The following ANKS1B variants were observed in gnomAD, a reference collection of about 807,000 sequenced individuals.
ANKS1B encodes the protein ankyrin repeat and sterile alpha motif domain containing 1B.
A neutral mutation model predicts 148.3 loss-of-function variants in ANKS1B; 36 were observed. The ratio of observed to expected loss-of-function variants is 0.24; its 90% confidence interval spans 0.19 to 0.32. ANKS1B has a LOEUF of 0.32. Ranked by LOEUF, ANKS1B falls within the 10% of genes least tolerant of loss-of-function variation. The probability of loss-of-function intolerance (pLI) is 1.00; values close to 1 mark genes in which losing one functional copy is unlikely to be tolerated. For missense variants in ANKS1B, 1,157 were observed against 1,542.6 expected (o/e 0.75, Z 4.19); for synonymous variants, 542 against 560.8 (o/e 0.97, Z 0.47).
At chr12:99,199,722 AAAAG>A (rs1340831429) in intron 14 of ANKS1B, among the ~76,000 whole-genome samples, 1 of 152,166 alleles carries the variant, frequency 6.6e-6, no homozygotes, top group Non-Finnish European at 1.5e-5. Context: ...TCCTGACAGA[AAAAG>A]AGAGAGAGAT....
chr12:99,427,612 C>T (rs1195174017), intron 11 of ANKS1B, among the ~76,000 whole-genome samples: 1 of 152,170 alleles, frequency 6.6e-6, no homozygotes, highest in Non-Finnish European at 1.5e-5. Flanking sequence ...TTATTGTTCA[C>T]TTGATCATTG....
chr12:99,828,333 G>A (rs1481779007), intron 1 of ANKS1B, among the ~76,000 whole-genome samples: 1 of 152,134 alleles, frequency 6.6e-6, no homozygotes, highest in Non-Finnish European at 1.5e-5. Context: ...GTGATAGGAA[G>A]AGATGCTAAC....
intron 25 of ANKS1B, among the ~76,000 whole-genome samples, chr12:98,772,154 T>C (rs2098594366): frequency 6.6e-6 from 1 of 152,212 alleles, no homozygotes; most frequent in African/African-American, 2.4e-5. Context: ...CTTGGTGTTA[T>C]GAGTGGAACT....
intron 20 of ANKS1B, among the ~76,000 whole-genome samples, chr12:98,806,708 GTTCT>G (rs1347584064): frequency 6.6e-6 from 1 of 152,120 alleles, no homozygotes; most frequent in Non-Finnish European, 1.5e-5. Flanking sequence ...TGTTGTAGTT[GTTCT>G]TTCAAAAAAT....
At chr12:99,621,996 T>C (rs2098058281) in intron 9 of ANKS1B, among the ~76,000 whole-genome samples, 1 of 151,998 alleles carries the variant, frequency 6.6e-6, no homozygotes, top group Admixed American at 6.6e-5. Context: ...ATCAACCACA[T>C]GCTTGACCAG....
chr12:99,307,061 G>C (rs1342969584), intron 12 of ANKS1B, among the ~76,000 whole-genome samples: 3 of 151,938 alleles, frequency 2.0e-5, no homozygotes. Flanking sequence ...TTGCACTTAA[G>C]GTCAATTAAA....
intron 10 of ANKS1B, among the ~76,000 whole-genome samples, chr12:99,489,967 C>G (rs1441545915): frequency 6.6e-6 from 1 of 152,138 alleles, no homozygotes; most frequent in Non-Finnish European, 1.5e-5. Flanking sequence ...AGAGAATGAG[C>G]CTGGCTAAAT....
chr12:99,889,728 T>C (rs977741871), intron 1 of ANKS1B, among the ~76,000 whole-genome samples: 1 of 152,202 alleles, frequency 6.6e-6, no homozygotes, highest in Non-Finnish European at 1.5e-5. Flanking sequence ...TGTCATGGCA[T>C]GTTAAAAGAT....
At chr12:98,972,424 C>A (rs1338819574) in intron 17 of ANKS1B, among the ~76,000 whole-genome samples, 1 of 152,130 alleles carries the variant, frequency 6.6e-6, no homozygotes, top group East Asian at 1.9e-4. Flanking sequence ...CAGGCCTATA[C>A]ATTATCTCGT....
intron 17 of ANKS1B, among the ~76,000 whole-genome samples, chr12:98,977,983 A>C (rs113472471): frequency 0.035 from 5,365 of 152,204 alleles, 139 homozygotes; most frequent in Middle Eastern, 0.073. Flanking sequence ...ATTATATAAT[A>C]TGGGAGAGAT....
chr12:99,691,249 C>G (rs1386221988), intron 8 of ANKS1B, among the ~76,000 whole-genome samples: 1 of 152,190 alleles, frequency 6.6e-6, no homozygotes, highest in Non-Finnish European at 1.5e-5. Flanking sequence ...GATGGGAGGG[C>G]CTTCTATGAA....
At chr12:99,688,155 G>A (rs889025584) in intron 8 of ANKS1B, among the ~76,000 whole-genome samples, 6 of 152,146 alleles carry the variant, frequency 3.9e-5, no homozygotes, top group African/African-American at 1.4e-4. Context: ...CTCTGTGGGA[G>A]CTCTGAGAAC....
intron 15 of ANKS1B, among the ~76,000 whole-genome samples, chr12:99,153,353 ATTTGTGTGT>A (rs2075428435): frequency 6.6e-6 from 1 of 152,102 alleles, no homozygotes; most frequent in Non-Finnish European, 1.5e-5. Context: ...TCCACAAGTC[ATTTGTGTGT>A]TACATGCCTG....
chr12:99,494,732 C>CAAAAAAAA (rs59115173), intron 10 of ANKS1B, among the ~76,000 whole-genome samples: 3 of 55,986 alleles, frequency 5.4e-5, no homozygotes, highest in East Asian at 5.7e-4. Flanking sequence ...CACTCTGTCT[C>CAAAAAAAA]AAAAAAAAAA....
At chr12:99,299,652 T>C (rs903112628) in intron 12 of ANKS1B, among the ~76,000 whole-genome samples, 1 of 152,208 alleles carries the variant, frequency 6.6e-6, no homozygotes, top group African/African-American at 2.4e-5. Flanking sequence ...ATTTTCACAG[T>C]AAACAGTTAC....
chr12:99,695,015 G>A (rs1293558117), intron 8 of ANKS1B, among the ~76,000 whole-genome samples: 1 of 152,136 alleles, frequency 6.6e-6, no homozygotes, highest in Non-Finnish European at 1.5e-5. Context: ...TAAAGGAACA[G>A]GGTCTTTACA....
chr12:98,788,546 C>G (rs981574573), intron 22 of ANKS1B, among the ~76,000 whole-genome samples: 1 of 152,124 alleles, frequency 6.6e-6, no homozygotes, highest in African/African-American at 2.4e-5. Flanking sequence ...AACCTAAGAC[C>G]AGGTGACAAG....
intron 10 of ANKS1B, among the ~76,000 whole-genome samples, chr12:99,466,668 C>T (rs2096122706): frequency 1.3e-5 from 2 of 151,810 alleles, no homozygotes. Context: ...CACCTCTATG[C>T]AAATAAACTA....
At chr12:98,785,412 G>T (rs1221170098) in intron 22 of ANKS1B, among the ~76,000 whole-genome samples, 19 of 152,172 alleles carry the variant, frequency 1.2e-4, no homozygotes, top group Non-Finnish European at 2.4e-4. Context: ...AGAGATTCTA[G>T]TGAGCCAAGA....
Sources: gnomAD v4.1 joint callset for allele counts (sites outside exome capture counted in the v4.1 genomes callset) on GRCh38, gnomAD v4.1.1 for gene constraint, MANE v1.5 for transcripts, NCBI Gene and HGNC (gene_info 2026-07-23, HGNC 2026-07-21) for gene names.